ZSCAN4: variants seen among roughly 807,000 people sequenced by gnomAD.
ZSCAN4 encodes the protein zinc finger and SCAN domain containing 4, also known as zinc finger and SCAN domain-containing protein 4.
A neutral mutation model predicts 18.3 loss-of-function variants in ZSCAN4; 18 were observed. That is an observed-to-expected ratio of 0.98 (90% CI 0.68 to 1.46). ZSCAN4 has a LOEUF of 1.46. Among genes scored for constraint, ZSCAN4 ranks in the 40% most tolerant of loss-of-function variants. The pLI is 0.00. For synonymous variants in ZSCAN4, 193 were observed against 180.3 expected, an observed-to-expected ratio of 1.07 and a Z score of -0.57; for missense variants, 498 against 511.4, an observed-to-expected ratio of 0.97 and a Z score of 0.25.
chr19:57,673,270 G>A (rs1212864960), intron 2 of ZSCAN4, among the ~76,000 whole-genome samples: 4 of 151,908 alleles, frequency 2.6e-5, no homozygotes, highest in South Asian at 2.1e-4. Flanking sequence ...CAAGTGATAC[G>A]CCTGTCTCGG....
the ZSCAN4 span, among the ~76,000 whole-genome samples, chr19:57,663,412 C>A: frequency 6.8e-6 from 1 of 146,482 alleles, no homozygotes; most frequent in Non-Finnish European, 1.5e-5. Context: ...AGGCTGGGGG[C>A]GAGTGGCTCA....
the ZSCAN4 span, among the ~76,000 whole-genome samples, chr19:57,657,273 A>G: frequency 0.23 from 34,095 of 150,828 alleles, 7,797 homozygotes; most frequent in African/African-American, 0.59. Context: ...GTCTGTCTGC[A>G]ACAGAGCTAG....
At chr19:57,658,559 T>A in the ZSCAN4 span, among the ~76,000 whole-genome samples, 11 of 152,122 alleles carry the variant, frequency 7.2e-5, no homozygotes, top group South Asian at 2.3e-3. Context: ...TCCTGCCGGG[T>A]GCAGTGGCTC....
upstream of ZSCAN4, chr19:57,665,125 G>A: frequency 6.5e-6 from 1 of 153,224 alleles, no homozygotes; most frequent in Non-Finnish European, 1.5e-5. Flanking sequence ...CAAAGCCGCT[G>A]CTGGCTGGAA....
chr19:57,665,723 G>A (rs186290385), upstream of ZSCAN4, among the ~76,000 whole-genome samples: 4 of 152,216 alleles, frequency 2.6e-5, no homozygotes, highest in African/African-American at 9.6e-5. Flanking sequence ...TTCGAGACCA[G>A]CCTGACCAAA....
At chr19:57,658,914 C>T in the ZSCAN4 span, among the ~76,000 whole-genome samples, 1 of 151,046 alleles carries the variant, frequency 6.6e-6, no homozygotes, top group Non-Finnish European at 1.5e-5. Flanking sequence ...TAAAGAACAT[C>T]TGCAAAATCC....
At chr19:57,673,753 A>G (rs1191577310) in intron 2 of ZSCAN4, among the ~76,000 whole-genome samples, 1 of 150,120 alleles carries the variant, frequency 6.7e-6, no homozygotes, top group Admixed American at 6.6e-5. Flanking sequence ...GATGATGATT[A>G]TTATTATTAT....
chr19:57,671,756 A>T (rs1400875794), intron 2 of ZSCAN4, among the ~76,000 whole-genome samples: 2 of 152,182 alleles, frequency 1.3e-5, no homozygotes, highest in Non-Finnish European at 2.9e-5. Context: ...AATGTGTTCC[A>T]TTGTCTCCTA....
chr19:57,676,541 A>G (rs1174399087), exon 3 of ZSCAN4: 3 of 1,611,222 alleles, frequency 1.9e-6, no homozygotes, highest in Non-Finnish European at 1.7e-6. Flanking sequence ...CACCTGCCTT[A>G]GTGAGTACAG....
intron 2 of ZSCAN4, among the ~76,000 whole-genome samples, chr19:57,673,678 C>T (rs1441594934): frequency 2.0e-5 from 3 of 151,988 alleles, no homozygotes; most frequent in Non-Finnish European, 4.4e-5. Context: ...TCCCATATGC[C>T]CCACCCCATG....
At chr19:57,654,010 G>A in the ZSCAN4 span, among the ~76,000 whole-genome samples, 8 of 152,142 alleles carry the variant, frequency 5.3e-5, no homozygotes, top group Admixed American at 5.2e-4. Flanking sequence ...TAGAACGCAG[G>A]GTAACACTGT....
exon 5 of ZSCAN4, chr19:57,678,451 C>T (rs757975063): frequency 5.0e-6 from 8 of 1,614,142 alleles, no homozygotes; most frequent in African/African-American, 1.3e-5. Flanking sequence ...CAGTCCTCCC[C>T]TGAGTCTGCC....
chr19:57,671,496 G>GAAAAA (rs35157527), intron 2 of ZSCAN4, among the ~76,000 whole-genome samples: 1 of 134,600 alleles, frequency 7.4e-6, no homozygotes, highest in African/African-American at 2.8e-5. Flanking sequence ...GGTTCCACAG[G>GAAAAA]AAAAAAAAAA....
chr19:57,661,323 C>T, the ZSCAN4 span, among the ~76,000 whole-genome samples: 12 of 152,256 alleles, frequency 7.9e-5, no homozygotes, highest in African/African-American at 2.9e-4. Context: ...CATTAATTTA[C>T]ATAAATTTTG....
At chr19:57,677,038 A>G (rs1984209026) in intron 3 of ZSCAN4, among the ~76,000 whole-genome samples, 1 of 152,178 alleles carries the variant, frequency 6.6e-6, no homozygotes, top group Admixed American at 6.5e-5. Context: ...TTGGCCTCCC[A>G]AAGTGCTAGG....
chr19:57,659,814 C>G, the ZSCAN4 span, among the ~76,000 whole-genome samples: 1 of 152,162 alleles, frequency 6.6e-6, no homozygotes, highest in African/African-American at 2.4e-5. Flanking sequence ...CTCTGCTTAC[C>G]TACCCTACAG....
Position 57,678,800 on chromosome 19 carries a change from C to CT in ZSCAN4, c.1201dup (p.Cys401LeufsTer2). 3 of 1,614,122 alleles carry CT rather than the reference C, an allele frequency of 1.9e-6. No homozygotes were observed. Among genetic ancestry groups the CT allele is most frequent in the Non-Finnish European group, 2.5e-6 (3 of 1,180,038 alleles). ...CAGGAGAAAAGCCTTATACATGTCC[C>CT]TTTTGTAAGACAAGCTACCGCCAGT... On this transcript the variant is annotated frameshift_variant, in exon 5 of 5. Transcript: ENST00000318203. LOFTEE classifies it low-confidence loss of function (END_TRUNC).
exon 5 of ZSCAN4, chr19:57,678,422 G>T (rs1984257519): frequency 1.2e-6 from 2 of 1,613,980 alleles, no homozygotes; most frequent in African/African-American, 1.3e-5. Context: ...TGGGAGCAGG[G>T]TGTATCTCTC....
chr19:57,651,877 T>C, the ZSCAN4 span, among the ~76,000 whole-genome samples: 96 of 152,134 alleles, frequency 6.3e-4, no homozygotes, highest in Non-Finnish European at 1.1e-3. Flanking sequence ...AGTCTCCGAT[T>C]TCTGGGTGAG....
Sources: gnomAD v4.1 joint callset for allele counts (sites outside exome capture counted in the v4.1 genomes callset) on GRCh38, gnomAD v4.1.1 for gene constraint, MANE v1.5 for transcripts, NCBI Gene and HGNC (gene_info 2026-07-23, HGNC 2026-07-21) for gene names.